SORCS2: variants seen among roughly 807,000 people sequenced by gnomAD.
SORCS2 encodes the protein sortilin related VPS10 domain containing receptor 2, also known as VPS10 domain-containing receptor SorCS2.
SORCS2 carries 100 observed loss-of-function variants against 141.6 expected under a neutral mutation model. The ratio of observed to expected loss-of-function variants is 0.71; its 90% CI spans 0.60 to 0.83. SORCS2 has a LOEUF of 0.83. SORCS2 is among the 40% of genes least tolerant of loss of function. The pLI, the probability that SORCS2 is intolerant of heterozygous loss-of-function variation, is 0.00. For missense variants in SORCS2, 1,646 were observed against 1,560.2 expected (o/e 1.05, Z -0.93); for synonymous variants, 789 against 676.9 (o/e 1.17, Z -2.57).
At chr4:7,633,303 G>A (rs1463071149) in intron 3 of SORCS2, among the ~76,000 whole-genome samples, 1 of 152,106 alleles carries the variant, frequency 6.6e-6, no homozygotes, top group Non-Finnish European at 1.5e-5. Flanking sequence ...AGGGGTGGGA[G>A]GTGAAGCTGG....
chr4:7,594,023 T>G (rs750236698), intron 3 of SORCS2, among the ~76,000 whole-genome samples: 10 of 152,222 alleles, frequency 6.6e-5, no homozygotes, highest in Non-Finnish European at 7.3e-5. Context: ...GAGCCTCTCT[T>G]GAGCACGTCT....
chr4:7,732,161 GAC>G (rs1711740155), intron 23 of SORCS2, among the ~76,000 whole-genome samples: 1 of 152,206 alleles, frequency 6.6e-6, no homozygotes, highest in Non-Finnish European at 1.5e-5. Flanking sequence ...CTCAAAGGGA[GAC>G]ACACAAATGG....
intron 1 of SORCS2, among the ~76,000 whole-genome samples, chr4:7,278,841 A>G (rs1170454481): frequency 6.6e-6 from 1 of 152,360 alleles, no homozygotes; most frequent in East Asian, 1.9e-4. Context: ...TGGCTTACCC[A>G]GAAGGGATCT....
At chr4:7,620,959 G>A (rs1464692442) in intron 3 of SORCS2, among the ~76,000 whole-genome samples, 3 of 152,050 alleles carry the variant, frequency 2.0e-5, no homozygotes, top group East Asian at 1.9e-4. Flanking sequence ...CTCCTGCTGC[G>A]ACCCCTGTGT....
intron 2 of SORCS2, among the ~76,000 whole-genome samples, chr4:7,405,393 G>A (rs991862723): frequency 6.8e-6 from 1 of 147,476 alleles, no homozygotes; most frequent in Non-Finnish European, 1.5e-5. Context: ...TGTGAAAAAT[G>A]AGTTGGTATT....
At chr4:7,720,915 G>A (rs1726544612) in intron 18 of SORCS2, among the ~76,000 whole-genome samples, 2 of 152,194 alleles carry the variant, frequency 1.3e-5, no homozygotes, top group African/African-American at 4.8e-5. Flanking sequence ...CAGGTGTTCT[G>A]GAAAACACTT....
rs186026629 is a variant in SORCS2 at position 7,433,318 on chromosome 4, G to A, written c.548+36963G>A. On this transcript the variant is annotated intron_variant, in intron 2 of 26. Coordinates refer to ENST00000507866, the MANE Select transcript of SORCS2 (RefSeq NM_020777.3). ...CTGGGTCTCTGGCAGCCACGGTCACGCGTGTTCCCCAGCGTGGAGGTGCAT... is the reference window on the plus strand; with the variant it reads ...CTGGGTCTCTGGCAGCCACGGTCACACGTGTTCCCCAGCGTGGAGGTGCAT... 28 of 1,403,154 alleles carry A rather than the reference G, an allele frequency of 2.0e-5. No homozygotes were observed. In the South Asian group the frequency reaches 2.2e-4, roughly 11 times the overall value. 86.9% of individuals were successfully genotyped at this position (1,403,154 alleles called of 1,614,324 possible).
intron 3 of SORCS2, among the ~76,000 whole-genome samples, chr4:7,573,576 G>T (rs1715536742): frequency 6.6e-6 from 1 of 152,204 alleles, no homozygotes; most frequent in African/African-American, 2.4e-5. Context: ...GAAGTGCAAT[G>T]GTGCAATCTC....
chr4:7,722,534 G>A (rs949452531), intron 18 of SORCS2, among the ~76,000 whole-genome samples: 1 of 152,182 alleles, frequency 6.6e-6, no homozygotes, highest in Non-Finnish European at 1.5e-5. Flanking sequence ...GGCACTCCTT[G>A]GCCCCTGACA....
At chr4:7,433,331 C>T (rs60816800) in intron 2 of SORCS2, 242,652 of 1,419,674 alleles carry the variant, frequency 0.17, 22,331 homozygotes, top group Middle Eastern at 0.29. Context: ...TGTTCCCCAG[C>T]GTGGAGGTGC....
intron 1 of SORCS2, among the ~76,000 whole-genome samples, chr4:7,335,944 G>T (rs552799560): frequency 1.3e-5 from 2 of 152,204 alleles, no homozygotes; most frequent in Admixed American, 1.3e-4. Flanking sequence ...GACCCAGCTC[G>T]TGTCTCAGCT....
chr4:7,724,313 G>A (rs116165467), intron 19 of SORCS2, among the ~76,000 whole-genome samples: 24,019 of 138,644 alleles, frequency 0.17, 2,732 homozygotes, highest in Admixed American at 0.36. Context: ...AATGGTGGTG[G>A]TGGTGGTGGT....
At chr4:7,573,491 G>T (rs1234733980) in intron 3 of SORCS2, among the ~76,000 whole-genome samples, 2 of 152,094 alleles carry the variant, frequency 1.3e-5, no homozygotes, top group African/African-American at 2.4e-5. Flanking sequence ...TAGTTTCTTG[G>T]TGTGTTCTGA....
rs143858438 is a variant in SORCS2 at position 7,195,971 on chromosome 4, T to G, written c.480+2845T>G. 5.3e-5 allele frequency among the ~76,000 whole-genome samples: 8 copies of G among 152,326 alleles called. No individual in the cohort carries two copies. The East Asian group carries it at 1.5e-3, about 29-fold the overall frequency. Reference sequence around the variant, plus strand: ...GTGTTCTTCAAAATTAAAAGGAGCATTTGATGAGGGAGATGGACTTTAAAA... The same window carrying G: ...GTGTTCTTCAAAATTAAAAGGAGCAGTTGATGAGGGAGATGGACTTTAAAA... On this transcript the variant is annotated intron_variant, in intron 1 of 26. Coordinates refer to ENST00000507866, the MANE Select transcript of SORCS2 (RefSeq NM_020777.3).
chr4:7,547,746 A>G (rs11937027), intron 3 of SORCS2, among the ~76,000 whole-genome samples: 114,598 of 152,182 alleles, frequency 0.75, 44,202 homozygotes, highest in East Asian at 0.89. Context: ...TGAGACCTGC[A>G]TGTGCCTGTC....
At chr4:7,437,791 C>G (rs184768626) in intron 2 of SORCS2, among the ~76,000 whole-genome samples, 1 of 152,102 alleles carries the variant, frequency 6.6e-6, no homozygotes, top group Non-Finnish European at 1.5e-5. Context: ...AAGGCACTCC[C>G]GAGTACCTTT....
intron 1 of SORCS2, among the ~76,000 whole-genome samples, chr4:7,295,532 G>A (rs1429343065): frequency 2.0e-5 from 3 of 152,166 alleles, no homozygotes; most frequent in African/African-American, 7.2e-5. Flanking sequence ...GAGCAGCCGA[G>A]AGGGGCCAGA....
intron 2 of SORCS2, among the ~76,000 whole-genome samples, chr4:7,461,508 G>A (rs1319603802): frequency 2.6e-5 from 4 of 152,228 alleles, no homozygotes; most frequent in African/African-American, 7.2e-5. Flanking sequence ...ATGGACTCAC[G>A]CCGCACTGTG....
chr4:7,434,681 A>G (rs368529906), intron 2 of SORCS2: 10 of 1,612,844 alleles, frequency 6.2e-6, no homozygotes, highest in South Asian at 4.4e-5. Context: ...ATGTCCTGGC[A>G]TACGTCGCAG....
Sources: allele counts gnomAD v4.1 joint callset (sites outside exome capture counted in the v4.1 genomes callset), GRCh38; gene constraint gnomAD v4.1.1; transcripts MANE v1.5; gene names NCBI Gene and HGNC (gene_info 2026-07-23, HGNC 2026-07-21).